The following THADA variants were observed in gnomAD, a reference collection of about 807,000 sequenced individuals.
THADA encodes the protein tRNA (32-2'-O)-methyltransferase regulator THADA.
Under a neutral mutation model 219.8 loss-of-function variants are expected in THADA, and 213 were observed. The observed-to-expected ratio is 0.97, with a 90% CI of 0.87 to 1.09. The LOEUF is 1.09. THADA is among the 50% of genes least tolerant of loss of function. THADA has a pLI of 0.00. For missense variants in THADA, 2,956 were observed against 2,311.3 expected (o/e 1.28, Z -5.72); for synonymous variants, 1,018 against 828.9 (o/e 1.23, Z -3.92).
At chr2:43,496,401 T>C (rs774898461) in intron 25 of THADA, among the ~76,000 whole-genome samples, 1 of 152,202 alleles carries the variant, frequency 6.6e-6, no homozygotes, top group Non-Finnish European at 1.5e-5. Context: ...AGTGAACATA[T>C]TACAAAAGAA....
At chr2:43,541,084 A>T in intron 21 of THADA, 75 bp downstream of exon 21, 1 of 1,370,752 alleles carries the variant, frequency 7.3e-7, no homozygotes, top group Non-Finnish European at 9.6e-7. Context: ...CTTTTTTTAG[A>T]GTTGGGTTAT....
intron 20 of THADA, among the ~76,000 whole-genome samples, chr2:43,546,249 G>GT (rs1035114486): frequency 5.9e-5 from 9 of 152,060 alleles, no homozygotes; most frequent in African/African-American, 1.9e-4. Flanking sequence ...TTGTTATAAT[G>GT]TCTGATCTTT....
chr2:43,396,483 T>C (rs751862162), intron 29 of THADA, among the ~76,000 whole-genome samples: 1 of 152,104 alleles, frequency 6.6e-6, no homozygotes, highest in African/African-American at 2.4e-5. Context: ...TGAAATGTAG[T>C]AGGCATTTGT....
intron 36 of THADA, among the ~76,000 whole-genome samples, chr2:43,235,960 C>T (rs138910816): frequency 0.029 from 4,411 of 152,224 alleles, 220 homozygotes; most frequent in African/African-American, 0.1. Flanking sequence ...GCACCCGCCA[C>T]CACGCCCGGC....
In THADA at chr2:43,550,877, A is replaced by G. The variant is rs533080845; in HGVS notation, c.2947+912T>C. Among the ~76,000 whole-genome samples the G allele has an allele frequency of 9.8e-5, 15 of 152,314 alleles. No individual in the cohort carries two copies. The East Asian group carries it at 2.7e-3, about 27-fold the overall frequency. On this transcript the variant is annotated intron_variant, in intron 19 of 37. Transcript: ENST00000405975. ...ACAGTGGCTAAGGCCTGTAATCCCA[A>G]TGCTTTAAGAGGCCAAGGCAGAAGG... is the stretch of plus-strand genomic sequence containing the variant.
chr2:43,357,132 A>G (rs139173433), intron 29 of THADA, among the ~76,000 whole-genome samples: 194 of 152,376 alleles, frequency 1.3e-3, no homozygotes, highest in African/African-American at 4.1e-3. Context: ...AGTATTTAGC[A>G]AAGAACATAA....
At chr2:43,509,917 G>T (rs1264978078) in intron 22 of THADA, among the ~76,000 whole-genome samples, 1 of 151,968 alleles carries the variant, frequency 6.6e-6, no homozygotes, top group Admixed American at 6.6e-5. Flanking sequence ...CCTCACCCTT[G>T]CTTCTTCGAC....
chr2:43,344,565 A>G lies in THADA; in HGVS notation c.4228-328T>C, dbSNP rs557699561. On this transcript the variant is annotated intron_variant, in intron 29 of 37. Transcript: ENST00000405975. Reference sequence around the variant, plus strand: ...TCAGCAAAGAAATGCAAACATCTTTATGTTAGCTGTCGCACATGAAAATAA... The same window carrying G: ...TCAGCAAAGAAATGCAAACATCTTTGTGTTAGCTGTCGCACATGAAAATAA... Among the ~76,000 whole-genome samples, 3 of 152,354 alleles carry G rather than the reference A, an allele frequency of 2.0e-5. No individual in the cohort carries two copies. In the South Asian group the frequency reaches 6.2e-4, roughly 32 times the overall value.
At position 43,482,630 on chromosome 2, in the gene THADA, A is replaced by T. The variant is rs2105003577; in HGVS notation, c.3836+2604T>A. ...ATTTCTTATTTCTCCTCTAGTAACA[A>T]AATTTACTTATTCATTAGGCAATTA... On this transcript the variant is annotated intron_variant, in intron 26 of 37. Coordinates refer to ENST00000405975, the MANE Select transcript of THADA (RefSeq NM_022065.5). Among the ~76,000 whole-genome samples, 2 of 152,294 alleles carry T rather than the reference A, an allele frequency of 1.3e-5. 1 individual carries two copies.
rs755480967 is a variant in THADA at position 43,293,064 on chromosome 2, C to T, written c.4588G>A (p.Ala1530Thr). The change falls in exon 32 of 38, where the codon GCG becomes ACG. Residue 1530 changes from alanine to threonine, a missense_variant. Coordinates refer to ENST00000405975, the MANE Select transcript of THADA (RefSeq NM_022065.5). ...TCCCGCTCTCCACTCTTGGCTGCCGCGGCCCACACTGCAGCAATGGCTAGT... is the reference window on the plus strand; with the variant it reads ...TCCCGCTCTCCACTCTTGGCTGCCGTGGCCCACACTGCAGCAATGGCTAGT... ...TRLAIAAVWA[A>T]AAKSGERETN... 1.4e-5 allele frequency: 22 copies of T among 1,613,854 alleles called. No individual in the cohort carries two copies. The highest frequency in any genetic ancestry group is 1.6e-4 in the Middle Eastern group (1 of 6,084).
chr2:43,279,010 T>C (rs1673041050), intron 36 of THADA, among the ~76,000 whole-genome samples: 1 of 152,208 alleles, frequency 6.6e-6, no homozygotes, highest in Non-Finnish European at 1.5e-5. Flanking sequence ...CCGAGTCTGC[T>C]AAAGCAGGCA....
intron 25 of THADA, among the ~76,000 whole-genome samples, chr2:43,492,815 G>A (rs1687805659): frequency 6.6e-6 from 1 of 152,178 alleles, no homozygotes; most frequent in East Asian, 1.9e-4. Flanking sequence ...AGTTTCTGGT[G>A]ACCCTCTTCC....
At chr2:43,537,777 G>A (rs1457831766) in intron 21 of THADA, among the ~76,000 whole-genome samples, 1 of 151,218 alleles carries the variant, frequency 6.6e-6, no homozygotes, top group Non-Finnish European at 1.5e-5. Flanking sequence ...AACCAGCCTG[G>A]CAACATGGTG....
chr2:43,288,749 A>G (rs1674347643), intron 34 of THADA, among the ~76,000 whole-genome samples: 1 of 152,230 alleles, frequency 6.6e-6, no homozygotes, highest in African/African-American at 2.4e-5. Context: ...ATCGGTGATC[A>G]ACTCAACCTT....
At chr2:43,514,320 A>C (rs551661029) in intron 22 of THADA, among the ~76,000 whole-genome samples, 4 of 150,392 alleles carry the variant, frequency 2.7e-5, no homozygotes, top group Non-Finnish European at 3.0e-5. Context: ...GCATGGTGGC[A>C]CTTGCCTGTA....
At position 43,561,638 on chromosome 2, in the gene THADA, CA is replaced by C. The variant is rs1381996724; in HGVS notation, c.2312-1254del. On this transcript the variant is annotated intron_variant, in intron 15 of 37. Transcript: ENST00000405975. ...TTTAATTTTAATTTACAAGTTAGAA[CA>C]ACCCTATGAAATTCCTAGAGCCGAC... Among the ~76,000 whole-genome samples the C allele has an allele frequency of 4.6e-5, 7 of 152,340 alleles. No individual in the cohort carries two copies. The East Asian group carries it at 1.3e-3, about 29-fold the overall frequency.
At chr2:43,546,140 T>C (rs1695999608) in intron 20 of THADA, among the ~76,000 whole-genome samples, 2 of 151,378 alleles carry the variant, frequency 1.3e-5, no homozygotes, top group African/African-American at 4.9e-5. Flanking sequence ...TACCCAGTAG[T>C]CATTCAGGAG....
chr2:43,254,810 G>A (rs1266273342), intron 36 of THADA, among the ~76,000 whole-genome samples: 2 of 152,146 alleles, frequency 1.3e-5, no homozygotes, highest in African/African-American at 4.8e-5. Context: ...CTGATGCAGA[G>A]ACCTGGGCCT....
chr2:43,357,217 G>A (rs1319701560), intron 29 of THADA, among the ~76,000 whole-genome samples: 2 of 152,136 alleles, frequency 1.3e-5, no homozygotes, highest in Non-Finnish European at 2.9e-5. Flanking sequence ...AGTGTTTGAT[G>A]AAGTGTAATA....
Sources: allele counts gnomAD v4.1 joint callset (sites outside exome capture counted in the v4.1 genomes callset), GRCh38; gene constraint gnomAD v4.1.1; transcripts MANE v1.5; gene names NCBI Gene and HGNC (gene_info 2026-07-23, HGNC 2026-07-21).